TCF3: variants seen among roughly 807,000 people sequenced by gnomAD.
The protein encoded by TCF3 is transcription factor E2-alpha.
TCF3 carries 54 observed loss-of-function variants against 72.3 expected under a neutral mutation model. That is an observed-to-expected ratio of 0.75 (90% CI 0.60 to 0.94). The LOEUF (loss-of-function observed/expected upper bound fraction) is 0.94, where lower values mean the gene tolerates loss of function less well. Among genes scored for constraint, TCF3 ranks in the 40% least tolerant of loss-of-function variants. The pLI is 0.00. For missense variants in TCF3, 1,078 were observed against 934.4 expected, an observed-to-expected ratio of 1.15 and a Z score of -2.00; for synonymous variants, 525 against 412.6, an observed-to-expected ratio of 1.27 and a Z score of -3.30.
Position 1,632,383 on chromosome 19 carries a change from T to G in TCF3, c.168A>C (p.Ser56=). The part of the protein sequence containing the change: ...GGSGLEDRPS[S]GSWGSGDQSS... ...TCTGGTCGCCGCTGCCCCAGGAGCC[T>G]GAGCTGGGCCGGTCCTCAAGACCTG... The change falls in exon 4 of 19, where the codon TCA becomes TCC. Residue 56 remains serine, a synonymous_variant. Transcript: ENST00000262965. The G allele has an allele frequency of 6.3e-7, 1 of 1,596,928 alleles. No homozygotes were observed. Among genetic ancestry groups the G allele is most frequent in the Non-Finnish European group, 8.5e-7 (1 of 1,172,368 alleles).
At chr19:1,620,248 G>C (rs1465796840) in intron 13 of TCF3, among the ~76,000 whole-genome samples, 3 of 152,154 alleles carry the variant, frequency 2.0e-5, no homozygotes, top group Non-Finnish European at 2.9e-5. Flanking sequence ...GGTGAAGTGA[G>C]GGTTCCTGGC....
chr19:1,632,305 G>C, intron 4 of TCF3, 27 bp downstream of exon 4: 1 of 1,568,074 alleles, frequency 6.4e-7, no homozygotes, highest in Non-Finnish European at 8.6e-7. Flanking sequence ...GGAAACTCAG[G>C]GTCTCAGGCC....
intron 1 of TCF3, among the ~76,000 whole-genome samples, chr19:1,651,924 CT>C (rs2067160720): frequency 6.6e-6 from 1 of 150,814 alleles, no homozygotes; most frequent in Non-Finnish European, 1.5e-5. Context: ...CCGGGCCCCC[CT>C]CTACCCGAGA....
chr19:1,646,638 C>T (rs1412909740), intron 2 of TCF3, among the ~76,000 whole-genome samples: 2 of 152,164 alleles, frequency 1.3e-5, no homozygotes, highest in African/African-American at 4.8e-5. Context: ...ACCCTGGACA[C>T]CCACGCCCAG....
At chr19:1,637,000 T>A (rs990243425) in intron 3 of TCF3, among the ~76,000 whole-genome samples, 1 of 151,992 alleles carries the variant, frequency 6.6e-6, no homozygotes, top group East Asian at 1.9e-4. Context: ...TGCCCTCGGG[T>A]AGAGGCACAG....
chr19:1,615,925 A>C lies in TCF3; in HGVS notation c.1451-104T>G. On this transcript the variant is annotated intron_variant, in intron 16 of 18. Transcript: ENST00000262965. This position sits in a 1 kb window ranked among gnomAD's most constrained non-coding sequence, Gnocchi z 7.3. ...GGACTTGGGCTTTCCTGGAAAAACC[A>C]GGTCTTGGCCAAAAATAAAAACAAA... The C allele has an allele frequency of 7.2e-7, 1 of 1,392,884 alleles. No individual in the cohort carries two copies. Among genetic ancestry groups the C allele is most frequent in the South Asian group, 1.7e-5 (1 of 59,580 alleles). 86.3% of individuals were successfully genotyped at this position (1,392,884 alleles called of 1,614,324 possible).
At chr19:1,619,999 T>C (rs934915393) in intron 13 of TCF3, 146 bp from the exon 14 acceptor site, 33 of 705,776 alleles carry the variant, frequency 4.7e-5, no homozygotes, top group Non-Finnish European at 7.7e-5. Context: ...CCCACACTGA[T>C]GCAAAGCTGC....
intron 5 of TCF3, among the ~76,000 whole-genome samples, chr19:1,630,636 A>T (rs2063589968): frequency 6.6e-6 from 1 of 152,204 alleles, no homozygotes; most frequent in African/African-American, 2.4e-5. Context: ...CACCACGAAA[A>T]GCCAGCAGAA....
intron 8 of TCF3, 44 bp downstream of exon 8, chr19:1,623,907 G>A (rs2062563989): frequency 1.2e-6 from 2 of 1,601,188 alleles, no homozygotes; most frequent in Non-Finnish European, 1.7e-6. Context: ...GCCTGGCACT[G>A]CCACTGACGA....
chr19:1,631,806 C>G (rs2063746708), intron 5 of TCF3: 2 of 1,140,736 alleles, frequency 1.8e-6, no homozygotes, highest in African/African-American at 1.5e-5. Flanking sequence ...GGCCTCCCTG[C>G]CTCTACGCTC....
rs2145851034 is a variant in TCF3, at chr19:1,615,370, G to A, written c.1737C>T (p.His579=). 3 of 1,614,042 alleles carry A rather than the reference G, an allele frequency of 1.9e-6. No homozygotes were observed. The highest frequency in any genetic ancestry group is 2.5e-6 in the Non-Finnish European group (3 of 1,179,940). ...FKELGRMCQL[H]LNSEKPQTKL... ...TGGTCTGGGGCTTCTCGCTGTTGAG[G>A]TGCAGTTGGCACATGCGCCCCAGCT... Residue 579 remains histidine, a synonymous_variant, in exon 18 of 19, where the codon CAC becomes CAT. Transcript: ENST00000262965. The surrounding 1 kb of genome is among the most constrained non-coding windows in gnomAD (Gnocchi z 7.3).
chr19:1,636,390 A>C (rs1381682474), intron 3 of TCF3, among the ~76,000 whole-genome samples: 1 of 152,074 alleles, frequency 6.6e-6, no homozygotes, highest in Non-Finnish European at 1.5e-5. Context: ...TGAATCCCAG[A>C]CCTCAAGTGA....
intron 3 of TCF3, among the ~76,000 whole-genome samples, chr19:1,645,415 C>G (rs1051646451): frequency 6.6e-6 from 1 of 152,128 alleles, no homozygotes; most frequent in Non-Finnish European, 1.5e-5. Context: ...AGACTAGACC[C>G]TCTCTCCATT....
At chr19:1,650,103 C>T in intron 2 of TCF3, 74 bp downstream of exon 2, 1 of 1,396,976 alleles carries the variant, frequency 7.2e-7, no homozygotes, top group Middle Eastern at 1.8e-4. Flanking sequence ...TCAGCAAACA[C>T]TCTCCCCTGA....
intron 3 of TCF3, among the ~76,000 whole-genome samples, chr19:1,638,230 G>A (rs908880469): frequency 6.6e-6 from 1 of 152,340 alleles, no homozygotes; most frequent in Middle Eastern, 3.4e-3. Flanking sequence ...CTACCCTACA[G>A]ATAAGGAAAC....
In TCF3 at chr19:1,652,533, T is replaced by C. The variant is rs1354214598; in HGVS notation, c.-273A>G. 7.3e-6 allele frequency: 1 copy of C among 137,412 alleles called. No individual in the cohort carries two copies. Among genetic ancestry groups the C allele is most frequent in the African/African-American group, 2.6e-5 (1 of 38,094 alleles). The allele number at this position is 137,412 out of a possible 1,614,324, so 8.5% of individuals were successfully genotyped here. On this transcript the variant is annotated 5_prime_UTR_variant, in exon 1 of 19. Transcript: ENST00000262965. ...GCAGCGGCGTGCGCGGTGCCCGCGGTGCCCGCCGCCGCGTCGGCTCCGGCC... is the reference window on the plus strand; with the variant it reads ...GCAGCGGCGTGCGCGGTGCCCGCGGCGCCCGCCGCCGCGTCGGCTCCGGCC...
At position 1,610,577 on chromosome 19, in the gene TCF3, G is replaced by C. The variant is rs367750491; in HGVS notation, c.*1130C>G. ...CTCCAGGGTGTGGTCCCCATGCCAG[G>C]GGTCACTGGTCCCAACAAAATGCCC... On this transcript the variant is annotated 3_prime_UTR_variant, in exon 19 of 19. Coordinates refer to ENST00000262965, the MANE Select transcript of TCF3 (RefSeq NM_003200.5). 4.3e-6 allele frequency: 1 copy of C among 231,672 alleles called. No homozygotes were observed. Among genetic ancestry groups the C allele is most frequent in the Admixed American group, 5.6e-5 (1 of 17,716 alleles). 14.4% of individuals were successfully genotyped at this position (231,672 alleles called of 1,614,324 possible). A position where few individuals can be genotyped will look rare whatever the true frequency, so the allele number is the denominator to read the frequency against.
intron 3 of TCF3, among the ~76,000 whole-genome samples, chr19:1,641,654 C>T (rs1185347661): frequency 2.0e-5 from 3 of 152,046 alleles, no homozygotes; most frequent in Non-Finnish European, 4.4e-5. Flanking sequence ...GGTTTCGCCA[C>T]GTTGACTAGG....
In TCF3 at chr19:1,621,114, C is replaced by G. The variant is rs2062149964; in HGVS notation, c.1014+19G>C. 1 of 1,534,284 alleles carries G rather than the reference C, an allele frequency of 6.5e-7. No homozygotes were observed. The highest frequency in any genetic ancestry group is 2.0e-5 in the Admixed American group (1 of 50,218). On this transcript the variant is annotated intron_variant, in intron 12 of 18. Transcript: ENST00000262965. ...TCTCAGGTCACTTGCCTGGCCACCC[C>G]CCATGCCCCACGCCTCACCGAGGCC...
Sources: allele counts gnomAD v4.1 joint callset (sites outside exome capture counted in the v4.1 genomes callset), GRCh38; gene constraint gnomAD v4.1.1; non-coding constraint Gnocchi (gnomAD v3.1); transcripts MANE v1.5; gene names NCBI Gene and HGNC (gene_info 2026-07-23, HGNC 2026-07-21).